Variants in PRIM2 observed in about 807,000 individuals in gnomAD.
The protein encoded by PRIM2 is DNA primase large subunit.
PRIM2 carries 39 observed loss-of-function variants against 67.3 expected under a neutral mutation model. That is an observed-to-expected ratio of 0.58 (90% CI 0.45 to 0.76). The LOEUF (loss-of-function observed/expected upper bound fraction) is 0.76. PRIM2 is among the 30% of genes least tolerant of loss of function. The pLI is 0.00. For missense variants in PRIM2, 398 were observed against 598.7 expected, an observed-to-expected ratio of 0.66 and a Z score of 3.50; for synonymous variants, 143 against 198.7, an observed-to-expected ratio of 0.72 and a Z score of 2.36.
chr6:57,355,302 A>T (rs1470535500), intron 5 of PRIM2, among the ~76,000 whole-genome samples: 1 of 73,106 alleles, frequency 1.4e-5, no homozygotes, highest in African/African-American at 7.7e-5. Flanking sequence ...ACTCTGTCTC[A>T]AAAAAAAAAA....
At chr6:57,549,682 T>TAGAC (rs1223861867) in intron 10 of PRIM2, among the ~76,000 whole-genome samples, 2 of 152,282 alleles carry the variant, frequency 1.3e-5, no homozygotes, top group African/African-American at 2.4e-5. Context: ...TGTTAACTTC[T>TAGAC]AGACACAAAT....
At chr6:57,328,339 T>TATGGTC (rs1375414657) in intron 5 of PRIM2, among the ~76,000 whole-genome samples, 1 of 152,226 alleles carries the variant, frequency 6.6e-6, no homozygotes, top group Non-Finnish European at 1.5e-5. Context: ...CTTACCCATT[T>TATGGTC]ATGGTCATTC....
intron 8 of PRIM2, among the ~76,000 whole-genome samples, chr6:57,513,390 T>G (rs1355082536): frequency 6.8e-6 from 1 of 147,972 alleles, no homozygotes; most frequent in Admixed American, 6.8e-5. Context: ...TTTTATTTAT[T>G]ATCTCACTTA....
intron 7 of PRIM2, among the ~76,000 whole-genome samples, chr6:57,395,466 C>A (rs76565308): frequency 2.6e-5 from 4 of 152,060 alleles, no homozygotes; most frequent in South Asian, 2.1e-4. Context: ...TTCATAGTAG[C>A]CTAGAATGAT....
At chr6:57,277,841 A>G in the PRIM2 span, among the ~76,000 whole-genome samples, 1 of 151,716 alleles carries the variant, frequency 6.6e-6, no homozygotes, top group South Asian at 2.1e-4. Context: ...AAAATTAGCC[A>G]GGTGTGGTGG....
intron 5 of PRIM2, among the ~76,000 whole-genome samples, chr6:57,359,153 A>G (rs1040767268): frequency 6.6e-6 from 1 of 152,238 alleles, no homozygotes; most frequent in African/African-American, 2.4e-5. Context: ...TAGAGTATGG[A>G]TGGCAGCAGT....
intron 10 of PRIM2, among the ~76,000 whole-genome samples, chr6:57,546,397 G>A (rs1294133536): frequency 3.9e-5 from 6 of 152,152 alleles, no homozygotes; most frequent in Non-Finnish European, 7.3e-5. Flanking sequence ...AGAGTGGATC[G>A]TGTTAGAGAC....
chr6:57,346,560 C>T (rs75123755), intron 5 of PRIM2, among the ~76,000 whole-genome samples: 153 of 152,098 alleles, frequency 1.0e-3, no homozygotes, highest in Non-Finnish European at 2.0e-3. Context: ...CCTTGTGACC[C>T]GCCTACCTCG....
intron 12 of PRIM2, among the ~76,000 whole-genome samples, chr6:57,616,962 A>G (rs1471375863): frequency 6.6e-6 from 1 of 152,216 alleles, no homozygotes; most frequent in African/African-American, 2.4e-5. Flanking sequence ...TGGCTGAATG[A>G]TACTCCATTG....
the PRIM2 span, among the ~76,000 whole-genome samples, chr6:57,296,010 A>G: frequency 1.3e-5 from 2 of 152,210 alleles, no homozygotes; most frequent in African/African-American, 4.8e-5. Context: ...AATGTTTCAT[A>G]CATTCAATAA....
chr6:57,561,553 C>T (rs1376448527), intron 10 of PRIM2, among the ~76,000 whole-genome samples: 1 of 152,150 alleles, frequency 6.6e-6, no homozygotes, highest in Non-Finnish European at 1.5e-5. Context: ...AACTTTTCTT[C>T]TATAGTTCCC....
chr6:57,581,282 G>T (rs1474527722), intron 10 of PRIM2, among the ~76,000 whole-genome samples: 1 of 152,040 alleles, frequency 6.6e-6, no homozygotes, highest in Non-Finnish European at 1.5e-5. Flanking sequence ...TGGTTTTCTG[G>T]TGATACTTGT....
intron 7 of PRIM2, among the ~76,000 whole-genome samples, chr6:57,391,551 A>T (rs1402307605): frequency 6.6e-6 from 1 of 152,176 alleles, no homozygotes; most frequent in African/African-American, 2.4e-5. Context: ...ATATGGTATA[A>T]GGAAAAGTCC....
the PRIM2 span, among the ~76,000 whole-genome samples, chr6:57,250,534 C>T: frequency 3.9e-5 from 6 of 152,014 alleles, no homozygotes; most frequent in Admixed American, 6.6e-5. Flanking sequence ...AACATGATGA[C>T]GTAATTTAGA....
chr6:57,277,744 G>A, the PRIM2 span, among the ~76,000 whole-genome samples: 1 of 151,586 alleles, frequency 6.6e-6, no homozygotes, highest in Non-Finnish European at 1.5e-5. Flanking sequence ...AATTTGGGAG[G>A]CCAAGGCGGG....
At chr6:57,330,353 TTTTTTTTG>T (rs1768011408) in intron 5 of PRIM2, among the ~76,000 whole-genome samples, 1 of 119,408 alleles carries the variant, frequency 8.4e-6, no homozygotes, top group South Asian at 3.0e-4. Context: ...AACTTGTTTT[TTTTTTTTG>T]TTTTTGTTTT....
At chr6:57,262,384 G>C in the PRIM2 span, among the ~76,000 whole-genome samples, 1 of 152,054 alleles carries the variant, frequency 6.6e-6, no homozygotes, top group African/African-American at 2.4e-5. Flanking sequence ...TGAAAGAAAT[G>C]AACCCCCTTC....
At chr6:57,484,938 GC>G (rs1773719049) in intron 7 of PRIM2, among the ~76,000 whole-genome samples, 1 of 152,138 alleles carries the variant, frequency 6.6e-6, no homozygotes, top group East Asian at 1.9e-4. Flanking sequence ...CAGGGACTTT[GC>G]CTTGTTCATG....
intron 12 of PRIM2, among the ~76,000 whole-genome samples, chr6:57,628,632 CTT>C (rs1776994479): frequency 6.6e-6 from 1 of 152,152 alleles, no homozygotes; most frequent in African/African-American, 2.4e-5. Flanking sequence ...CTTTTCAACT[CTT>C]GTCTCCCTTC....
Sources: allele counts gnomAD v4.1 joint callset (sites outside exome capture counted in the v4.1 genomes callset), GRCh38; gene constraint gnomAD v4.1.1; transcripts MANE v1.5; gene names NCBI Gene and HGNC (gene_info 2026-07-23, HGNC 2026-07-21).